The following PCDHGA5 variants were observed in gnomAD, a reference collection of about 807,000 sequenced individuals.
The protein encoded by PCDHGA5 is protocadherin gamma subfamily A, 5.
PCDHGA5 carries 36 observed loss-of-function variants against 56.7 expected under a neutral mutation model. That is an observed-to-expected ratio of 0.64 (90% CI 0.49 to 0.84). The LOEUF (loss-of-function observed/expected upper bound fraction) is 0.84, where lower values mean the gene tolerates loss of function less well. Among genes scored for constraint, PCDHGA5 ranks in the 40% least tolerant of loss-of-function variants. The pLI, the probability that PCDHGA5 is intolerant of heterozygous loss-of-function variation, is 0.00. For missense variants in PCDHGA5, 1,305 were observed against 1,201.5 expected (o/e 1.09, Z -1.27); for synonymous variants, 563 against 520.2 (o/e 1.08, Z -1.12).
chr5:141,386,433 T>C (rs1214742071), intron 1 of PCDHGA5, among the ~76,000 whole-genome samples: 1 of 152,144 alleles, frequency 6.6e-6, no homozygotes, highest in African/African-American at 2.4e-5. Context: ...CCCACCTGCA[T>C]GGGAGGCTGA....
chr5:141,418,890 G>C (rs1449142412), intron 1 of PCDHGA5: 1 of 1,613,934 alleles, frequency 6.2e-7, no homozygotes, highest in South Asian at 1.1e-5. Context: ...AACGACAACA[G>C]CCCAGAAATA....
At chr5:141,461,607 A>C (rs74634930) in intron 1 of PCDHGA5, among the ~76,000 whole-genome samples, 8,353 of 152,212 alleles carry the variant, frequency 0.055, 473 homozygotes, top group African/African-American at 0.15. Flanking sequence ...AATTTAGTTC[A>C]AAGTATTTTC....
At chr5:141,488,385 G>A (rs917106670) in intron 1 of PCDHGA5, among the ~76,000 whole-genome samples, 11 of 152,164 alleles carry the variant, frequency 7.2e-5, no homozygotes, top group Non-Finnish European at 1.5e-5. Context: ...TCCTGAATTT[G>A]GTGAAACCAT....
Position 141,476,698 on chromosome 5 carries a change from G to C in PCDHGA5, c.2422-18109G>C, listed in dbSNP as rs2075661. Reference sequence around the variant, plus strand: ...CGCGGGAGGACAGCACCAAGTACGCGGAGCTGGTGTTGGAGCGCGCCCTGG... The same window carrying C: ...CGCGGGAGGACAGCACCAAGTACGCCGAGCTGGTGTTGGAGCGCGCCCTGG... On this transcript the variant is annotated intron_variant, in intron 1 of 3. Transcript: ENST00000518069. The surrounding 1 kb of genome is among the most constrained non-coding windows in gnomAD (Gnocchi z 7.6). The C allele has an allele frequency of 0.2, 326,683 of 1,614,030 alleles. 35,085 individuals carry two copies. Among genetic ancestry groups the C allele is most frequent in the Admixed American group, 0.37 (22,021 of 59,992 alleles).
rs1466755382 is a variant in PCDHGA5 at position 141,384,339 on chromosome 5, C to G, written c.2421+17588C>G. 19 of 1,613,782 alleles carry G rather than the reference C, an allele frequency of 1.2e-5. 1 individual carries two copies. Among genetic ancestry groups the G allele is most frequent in the Non-Finnish European group, 1.6e-5 (19 of 1,179,910 alleles). ...TCTTAGTGACTGCACAGGACCACGA[C>G]AGTGAGGATAATGCCCAGATCACTT... On this transcript the variant is annotated intron_variant, in intron 1 of 3. Coordinates refer to ENST00000518069, the MANE Select transcript of PCDHGA5 (RefSeq NM_018918.3).
At chr5:141,428,727 A>G (rs1348450181) in intron 1 of PCDHGA5, 1 of 160,588 alleles carries the variant, frequency 6.2e-6, no homozygotes, top group Non-Finnish European at 1.4e-5. Context: ...AAAATCTTAA[A>G]CATATTATAT....
intron 1 of PCDHGA5, among the ~76,000 whole-genome samples, chr5:141,397,112 A>G (rs2093474994): frequency 6.6e-6 from 1 of 152,258 alleles, no homozygotes; most frequent in African/African-American, 2.4e-5. Flanking sequence ...GCAATCCACT[A>G]GAATATCCCT....
chr5:141,476,366 G>T lies in PCDHGA5; in HGVS notation c.2422-18441G>T, dbSNP rs1025903110. The T allele has an allele frequency of 6.2e-7, 1 of 1,614,026 alleles. No individual in the cohort carries two copies. The highest frequency in any genetic ancestry group is 8.5e-7 in the Non-Finnish European group (1 of 1,180,028). On this transcript the variant is annotated intron_variant, in intron 1 of 3. Coordinates refer to ENST00000518069, the MANE Select transcript of PCDHGA5 (RefSeq NM_018918.3). The surrounding 1 kb of genome is among the most constrained non-coding windows in gnomAD (Gnocchi z 7.6). The stretch of plus-strand genomic sequence containing the variant: ...ATTCTTTGAGGTGAACCGGGAGACC[G>T]GAGAGATGTTTGTGAACGACCGTCT...
rs1210691847 is a variant in PCDHGA5, at chr5:141,432,985, C to T, written c.2422-61822C>T. The stretch of plus-strand genomic sequence containing the variant: ...GAGCGCCGGCGTCGCACTTTGTGGG[C>T]GTGGACGGGGTGCAGGCTTTCCTGC... On this transcript the variant is annotated intron_variant, in intron 1 of 3. Transcript: ENST00000518069. The surrounding 1 kb of genome is among the most constrained non-coding windows in gnomAD (Gnocchi z 6.0). The T allele has an allele frequency of 3.1e-6, 5 of 1,614,176 alleles. No individual in the cohort carries two copies. The highest frequency in any genetic ancestry group is 4.2e-6 in the Non-Finnish European group (5 of 1,180,034).
In PCDHGA5 at chr5:141,477,850, G is replaced by C. The variant is rs2099420608; in HGVS notation, c.2422-16957G>C. On this transcript the variant is annotated intron_variant, in intron 1 of 3. Coordinates refer to ENST00000518069, the MANE Select transcript of PCDHGA5 (RefSeq NM_018918.3). The surrounding 1 kb of genome is among the most constrained non-coding windows in gnomAD (Gnocchi z 4.9). Reference sequence around the variant, plus strand: ...CTCGGCCAGGTGGGAGCTCGGTGGAGATGCTGCCTCGAGGTACCTCAGCTG... The same window carrying C: ...CTCGGCCAGGTGGGAGCTCGGTGGACATGCTGCCTCGAGGTACCTCAGCTG... 6.2e-6 allele frequency: 10 copies of C among 1,613,328 alleles called. No individual in the cohort carries two copies. Among genetic ancestry groups the C allele is most frequent in the Non-Finnish European group, 7.6e-6 (9 of 1,179,812 alleles).
rs1340590903 is a variant in PCDHGA5, at chr5:141,432,842, G to A, written c.2422-61965G>A. On this transcript the variant is annotated intron_variant, in intron 1 of 3. Coordinates refer to ENST00000518069, the MANE Select transcript of PCDHGA5 (RefSeq NM_018918.3). This position sits in a 1 kb window ranked among gnomAD's most constrained non-coding sequence, Gnocchi z 6.0. ...CTCAGACCTCACTCTGTACCTGGTG[G>A]TAGCGGTGGCCGCGGTCTCCTGCGT... 5 of 1,614,192 alleles carry A rather than the reference G, an allele frequency of 3.1e-6. No individual in the cohort carries two copies. The South Asian group carries it at 4.4e-5, about 14-fold the overall frequency.
chr5:141,388,803 T>G lies in PCDHGA5; in HGVS notation c.2421+22052T>G, dbSNP rs774082539. The G allele has an allele frequency of 3.1e-6, 5 of 1,613,936 alleles. No individual in the cohort carries two copies. In the East Asian group the frequency reaches 1.1e-4, roughly 36 times the overall value. ...AATTACTGTTTTAAATACATTAGATTTTGAAGAAGTCAAAGAATATTCCAT... is the reference window on the plus strand; with the variant it reads ...AATTACTGTTTTAAATACATTAGATGTTGAAGAAGTCAAAGAATATTCCAT... On this transcript the variant is annotated intron_variant, in intron 1 of 3. Transcript: ENST00000518069.
chr5:141,509,292 T>A (rs1407798154), intron 3 of PCDHGA5, among the ~76,000 whole-genome samples: 1 of 152,028 alleles, frequency 6.6e-6, no homozygotes, highest in Non-Finnish European at 1.5e-5. Context: ...GGGTCCAGGG[T>A]GGAGGCAGAG....
rs2097504446 is a variant in PCDHGA5, at chr5:141,432,472, T to C, written c.2422-62335T>C. The C allele has an allele frequency of 9.9e-6, 16 of 1,614,012 alleles. No homozygotes were observed. Among genetic ancestry groups the C allele is most frequent in the Non-Finnish European group, 1.4e-5 (16 of 1,180,036 alleles). ...TGTACCCCGCCCTCCCCACGGACGG[T>C]TCCACTGGCGTGGAGCTGGCTCCCC... On this transcript the variant is annotated intron_variant, in intron 1 of 3. Transcript: ENST00000518069. This position sits in a 1 kb window ranked among gnomAD's most constrained non-coding sequence, Gnocchi z 6.0.
intron 1 of PCDHGA5, chr5:141,388,548 C>A: frequency 6.2e-7 from 1 of 1,613,842 alleles, no homozygotes; most frequent in Non-Finnish European, 8.5e-7. Flanking sequence ...AGCTCCACCC[C>A]TAAGCAGCAC....
chr5:141,509,086 A>T lies in PCDHGA5; in HGVS notation c.2570-1861A>T, dbSNP rs147084289. On this transcript the variant is annotated intron_variant, in intron 3 of 3. Coordinates refer to ENST00000518069, the MANE Select transcript of PCDHGA5 (RefSeq NM_018918.3). ...CAGCTCCGGGGATTTGCGACATGAAATGGGGGCTGTAGAAACCTGAGCGCT... is the reference window on the plus strand; with the variant it reads ...CAGCTCCGGGGATTTGCGACATGAATTGGGGGCTGTAGAAACCTGAGCGCT... 8.3e-3 allele frequency among the ~76,000 whole-genome samples: 1,261 copies of T among 152,228 alleles called. 7 individuals are homozygous for T. Among genetic ancestry groups the T allele is most frequent in the Middle Eastern group, 0.037 (11 of 294 alleles).
chr5:141,495,449 G>T (rs1249221693), intron 2 of PCDHGA5, among the ~76,000 whole-genome samples: 1 of 152,194 alleles, frequency 6.6e-6, no homozygotes, highest in East Asian at 1.9e-4. Flanking sequence ...TACTTGTCCT[G>T]CTCTCTGTCT....
chr5:141,448,044 C>T (rs2098559539), intron 1 of PCDHGA5, among the ~76,000 whole-genome samples: 1 of 151,942 alleles, frequency 6.6e-6, no homozygotes, highest in African/African-American at 2.4e-5. Context: ...CAAGATCATG[C>T]CATTGCTCTC....
chr5:141,391,728 T>C (rs2092412871), intron 1 of PCDHGA5: 1 of 152,222 alleles, frequency 6.6e-6, no homozygotes, highest in East Asian at 1.9e-4. Flanking sequence ...ACAGACTTTT[T>C]TGTAGTCATA....
Sources: gnomAD v4.1 joint callset for allele counts (sites outside exome capture counted in the v4.1 genomes callset) on GRCh38, gnomAD v4.1.1 for gene constraint, Gnocchi (gnomAD v3.1) non-coding constraint, MANE v1.5 for transcripts, NCBI Gene and HGNC (gene_info 2026-07-23, HGNC 2026-07-21) for gene names.